The following TUBGCP6 variants were observed in gnomAD, a reference collection of about 807,000 sequenced individuals.
TUBGCP6 encodes tubulin gamma complex component 6, also known as gamma-tubulin complex component 6.
A neutral mutation model predicts 175.8 loss-of-function variants in TUBGCP6; 161 were observed. The ratio of observed to expected loss-of-function variants is 0.92; its 90% confidence interval spans 0.81 to 1.04. The LOEUF (loss-of-function observed/expected upper bound fraction) is 1.04. TUBGCP6 is among the 50% of genes least tolerant of loss of function. TUBGCP6 has a pLI of 0.00. For synonymous variants in TUBGCP6, 1,173 were observed against 1,030.5 expected, an observed-to-expected ratio of 1.14 and a Z score of -2.65; for missense variants, 2,572 against 2,433.0, an observed-to-expected ratio of 1.06 and a Z score of -1.20.
chr22:50,218,433 G>GT, intron 22 of TUBGCP6, 31 bp from the exon 23 acceptor site: 1 of 1,612,900 alleles, frequency 6.2e-7, no homozygotes, highest in Non-Finnish European at 8.5e-7. Flanking sequence ...GAGGGCAGAG[G>GT]TGAGCGCAGC....
Position 50,218,859 on chromosome 22 carries a change from CG to C in TUBGCP6, c.4664del (p.Pro1555ArgfsTer4), listed in dbSNP as rs756544270. On this transcript the variant is annotated frameshift_variant, in exon 21 of 25. Transcript: ENST00000248846. LOFTEE classifies it high-confidence loss of function. ...AGQTPGELLN[P>X]LVLNSVLSKA... Reference sequence around the variant, plus strand: ...TGCTCAGCACAGAGTTCAGCACCAGCGGGTTGAGCAGCTCTCCGGGCGTTTG... The same window carrying C: ...TGCTCAGCACAGAGTTCAGCACCAGCGGTTGAGCAGCTCTCCGGGCGTTTG... The C allele has an allele frequency of 6.2e-7, 1 of 1,613,442 alleles. No homozygotes were observed. Among genetic ancestry groups the C allele is most frequent in the African/African-American group, 1.3e-5 (1 of 74,922 alleles).
Position 50,218,410 on chromosome 22 carries a change from A to AGGGCAGAAGGC in TUBGCP6, c.4955-19_4955-9dup, listed in dbSNP as rs751027398. 1.2e-5 allele frequency: 19 copies of AGGGCAGAAGGC among 1,612,734 alleles called. No individual in the cohort carries two copies. The highest frequency in any genetic ancestry group is 1.5e-5 in the Non-Finnish European group (18 of 1,179,878). The stretch of plus-strand genomic sequence containing the variant: ...CCATGTGGCTCAGCAGGGCTGGCGG[A>AGGGCAGAAGGC]GGGCAGAAGGCAGAGGGCAGAGGTG... On this transcript the variant is annotated splice_polypyrimidine_tract_variant and intron_variant, in intron 22 of 24. Coordinates refer to ENST00000248846, the MANE Select transcript of TUBGCP6 (RefSeq NM_020461.4).
At position 50,219,572 on chromosome 22, in the gene TUBGCP6, C is replaced by A. The variant is rs2064480769; in HGVS notation, c.4315+72G>T. On this transcript the variant is annotated intron_variant, in intron 18 of 24. Coordinates refer to ENST00000248846, the MANE Select transcript of TUBGCP6 (RefSeq NM_020461.4). ...GCTAGCCCAGGGCTCCGCCCCAACC[C>A]ACAGGAGGTGGAGCACGTGCTGGGA... 2.5e-6 allele frequency: 4 copies of A among 1,594,714 alleles called. No homozygotes were observed. The East Asian group carries it at 6.7e-5, about 27-fold the overall frequency.
rs1247285061 is a variant in TUBGCP6, at chr22:50,244,501, C to A, written c.-42G>T. 3 of 1,554,310 alleles carry A rather than the reference C, an allele frequency of 1.9e-6. No individual in the cohort carries two copies. Among genetic ancestry groups the A allele is most frequent in the Non-Finnish European group, 2.6e-6 (3 of 1,152,958 alleles). On this transcript the variant is annotated 5_prime_UTR_variant, in exon 1 of 25. It adds an upstream start codon to the 5' untranslated region. Transcript: ENST00000248846. Reference sequence around the variant, plus strand: ...GGGCCCCCGGCGTGTGGGAAAACACCTCACCCGGGCTTCACTCACGCTCCG... The same window carrying A: ...GGGCCCCCGGCGTGTGGGAAAACACATCACCCGGGCTTCACTCACGCTCCG...
chr22:50,222,153 C>A, intron 14 of TUBGCP6, 51 bp from the exon 15 acceptor site: 1 of 1,577,694 alleles, frequency 6.3e-7, no homozygotes, highest in Non-Finnish European at 8.7e-7. Context: ...CAAGCACAGC[C>A]CTACCCCACA....
chr22:50,232,087 G>A (rs893884728), intron 3 of TUBGCP6, among the ~76,000 whole-genome samples: 7 of 151,502 alleles, frequency 4.6e-5, no homozygotes, highest in African/African-American at 9.7e-5. Flanking sequence ...TGGGTGGGCC[G>A]GGCGTGGTGG....
intron 1 of TUBGCP6, among the ~76,000 whole-genome samples, chr22:50,241,743 T>A (rs770137628): frequency 6.6e-6 from 1 of 152,156 alleles, no homozygotes; most frequent in Non-Finnish European, 1.5e-5. Flanking sequence ...TTACCTATCA[T>A]TGGAGATGAC....
Position 50,225,790 on chromosome 22 carries a change from G to C in TUBGCP6, c.1983+4C>G. The C allele has an allele frequency of 6.2e-7, 1 of 1,610,138 alleles. No homozygotes were observed. The highest frequency in any genetic ancestry group is 8.5e-7 in the Non-Finnish European group (1 of 1,177,836). On this transcript the variant is annotated splice_donor_region_variant and intron_variant, in intron 10 of 24. Coordinates refer to ENST00000248846, the MANE Select transcript of TUBGCP6 (RefSeq NM_020461.4). Reference sequence around the variant, plus strand: ...AAGCCCCCGAGACCTGTGGTGCCACGCACCTTCTCCTCCTTGCTGACAGAG... The same window carrying C: ...AAGCCCCCGAGACCTGTGGTGCCACCCACCTTCTCCTCCTTGCTGACAGAG...
intron 3 of TUBGCP6, among the ~76,000 whole-genome samples, chr22:50,230,236 G>A (rs1245965272): frequency 1.3e-5 from 2 of 152,174 alleles, no homozygotes; most frequent in Non-Finnish European, 2.9e-5. Context: ...TTGGGAGGCT[G>A]AGGCAGGAGG....
chr22:50,228,624 C>T (rs1034877643), intron 4 of TUBGCP6, among the ~76,000 whole-genome samples: 20 of 152,046 alleles, frequency 1.3e-4, no homozygotes, highest in Non-Finnish European at 1.8e-4. Context: ...CCCTTCTCAG[C>T]GTCCCCTGCT....
At chr22:50,239,424 G>A (rs1477182838) in intron 2 of TUBGCP6, among the ~76,000 whole-genome samples, 2 of 152,312 alleles carry the variant, frequency 1.3e-5, no homozygotes, top group East Asian at 3.9e-4. Flanking sequence ...TGATCTGCCC[G>A]CCTCAGCCTC....
intron 2 of TUBGCP6, among the ~76,000 whole-genome samples, chr22:50,236,626 G>C (rs1341580119): frequency 6.6e-6 from 1 of 152,100 alleles, no homozygotes. Context: ...ACTTTTACTG[G>C]CCACCTCTGC....
intron 2 of TUBGCP6, among the ~76,000 whole-genome samples, chr22:50,236,899 C>G (rs765339321): frequency 6.6e-6 from 1 of 152,164 alleles, no homozygotes; most frequent in Non-Finnish European, 1.5e-5. Flanking sequence ...AGGACTGGCC[C>G]CCAGCACTGC....
rs934328468 is a variant in TUBGCP6, at chr22:50,219,006, C to A, written c.4626+62G>T. On this transcript the variant is annotated intron_variant, in intron 20 of 24. Transcript: ENST00000248846. Reference sequence around the variant, plus strand: ...CAGCAGGGGGCTGTGGGCGTGCAGCCAGTCTCTCTTTTCCCACGGCCTCCC... The same window carrying A: ...CAGCAGGGGGCTGTGGGCGTGCAGCAAGTCTCTCTTTTCCCACGGCCTCCC... 3 of 1,601,106 alleles carry A rather than the reference C, an allele frequency of 1.9e-6. No individual in the cohort carries two copies. In the African/African-American group the frequency reaches 4.0e-5, roughly 21 times the overall value.
Position 50,217,975 on chromosome 22 carries a change from C to G in TUBGCP6, c.5311G>C (p.Ala1771Pro). 1 of 1,610,500 alleles carries G rather than the reference C, an allele frequency of 6.2e-7. No homozygotes were observed. The highest frequency in any genetic ancestry group is 1.7e-5 in the Admixed American group (1 of 59,342). The change falls in exon 24 of 25, where the codon GCA becomes CCA. Residue 1771 changes from alanine to proline, a missense_variant. Coordinates refer to ENST00000248846, the MANE Select transcript of TUBGCP6 (RefSeq NM_020461.4). Reference sequence around the variant, plus strand: ...GTGTTGTAGGACTGCTGCATGAGTGCAAAGTTGGGGTGCTCTGCACCCCGC... The same window carrying G: ...GTGTTGTAGGACTGCTGCATGAGTGGAAAGTTGGGGTGCTCTGCACCCCGC... ...GPRGAEHPNF[A>P]LMQQSYNTFK...
chr22:50,228,665 A>T (rs1378426165), intron 4 of TUBGCP6, among the ~76,000 whole-genome samples: 1 of 151,874 alleles, frequency 6.6e-6, no homozygotes, highest in Non-Finnish European at 1.5e-5. Context: ...TCTAGCTCTC[A>T]AGTCCCCCGG....
At position 50,243,761 on chromosome 22, in the gene TUBGCP6, G is replaced by T; in HGVS notation, c.699C>A (p.Pro233=). The change falls in exon 1 of 25, where the codon CCC becomes CCA. Residue 233 remains proline (P), a synonymous_variant. Transcript: ENST00000248846. ...AGAGGTCCGCATTGTCTGGCACGGG[G>T]GGCAGGCCCAGTCGGACGTCCATGT... ...TYDMDVRLGL[P]PVPDNADLSG... The T allele has an allele frequency of 1.9e-6, 3 of 1,613,622 alleles. No homozygotes were observed. In the South Asian group the frequency reaches 3.3e-5, roughly 18 times the overall value.
chr22:50,232,627 T>C (rs1399992503), intron 3 of TUBGCP6, among the ~76,000 whole-genome samples: 5 of 151,934 alleles, frequency 3.3e-5, no homozygotes, highest in Admixed American at 3.3e-4. Context: ...AGATGAGCTG[T>C]GAGCACGGTG....
rs1310737112 is a variant in TUBGCP6 at position 50,227,997 on chromosome 22, T to C, written c.1322A>G (p.Gln441Arg). 3 of 1,568,080 alleles carry C rather than the reference T, an allele frequency of 1.9e-6. No individual in the cohort carries two copies. Among genetic ancestry groups the C allele is most frequent in the Non-Finnish European group, 2.6e-6 (3 of 1,156,464 alleles). Residue 441 changes from glutamine (Q) to arginine (R), a missense_variant, in exon 5 of 25, where the codon CAG (glutamine) becomes CGG (arginine). Coordinates refer to ENST00000248846, the MANE Select transcript of TUBGCP6 (RefSeq NM_020461.4). The part of the protein sequence containing the change: ...AFTSGLRRYL[Q>R]YYRACVLSTP... ...GGAAAGGACGCAGGCCCGGTAATACTGCAGGTACCTCCTCAGGCCACTGGT... is the reference window on the plus strand; with the variant it reads ...GGAAAGGACGCAGGCCCGGTAATACCGCAGGTACCTCCTCAGGCCACTGGT...
Sources: allele counts gnomAD v4.1 joint callset (sites outside exome capture counted in the v4.1 genomes callset), GRCh38; gene constraint gnomAD v4.1.1; transcripts MANE v1.5; gene names NCBI Gene and HGNC (gene_info 2026-07-23, HGNC 2026-07-21).